HSD17B3: variants seen among roughly 807,000 people sequenced by gnomAD.
HSD17B3 encodes 17-beta-hydroxysteroid dehydrogenase type 3.
HSD17B3 carries 29 observed loss-of-function variants against 41.1 expected under a neutral mutation model. That is an observed-to-expected ratio of 0.71 (90% CI 0.53 to 0.96). The LOEUF (loss-of-function observed/expected upper bound fraction) is 0.96. Among genes scored for constraint, HSD17B3 ranks in the 40% least tolerant of loss-of-function variants. HSD17B3 has a pLI of 0.00. For missense variants in HSD17B3, 323 were observed against 374.6 expected (o/e 0.86, Z 1.14); for synonymous variants, 126 against 145.6 (o/e 0.87, Z 0.97).
At chr9:96,251,089 T>G in intron 5 of HSD17B3, 1 of 319,514 alleles carries the variant, frequency 3.1e-6, no homozygotes, top group Non-Finnish European at 5.9e-6. Flanking sequence ...TCTTCTCCCA[T>G]ATATGTTCAC....
At chr9:96,258,459 T>C (rs1339178590) in intron 2 of HSD17B3, among the ~76,000 whole-genome samples, 1 of 152,226 alleles carries the variant, frequency 6.6e-6, no homozygotes, top group Non-Finnish European at 1.5e-5. Context: ...ACTGTTCCAC[T>C]GACCTATTTA....
chr9:96,241,039 G>T, intron 9 of HSD17B3, 132 bp from the exon 10 acceptor site: 1 of 1,073,340 alleles, frequency 9.3e-7, no homozygotes, highest in Non-Finnish European at 1.4e-6. Flanking sequence ...AAGATCTTGA[G>T]TGGAAAAAGG....
rs950729034 is a variant in HSD17B3, at chr9:96,295,211, T to C, written c.201+3205A>G. 3.3e-5 allele frequency among the ~76,000 whole-genome samples: 5 copies of C among 152,006 alleles called. No homozygotes were observed. In the East Asian group the frequency reaches 9.7e-4, roughly 29 times the overall value. On this transcript the variant is annotated intron_variant, in intron 2 of 10. Coordinates refer to ENST00000375263, the MANE Select transcript of HSD17B3 (RefSeq NM_000197.2). ...TAGTAGAGACGGGGTTTCACTACGT[T>C]GGTCAGGCTGGTCTGGAACTCCTGA... is the stretch of plus-strand genomic sequence containing the variant.
intron 2 of HSD17B3, among the ~76,000 whole-genome samples, chr9:96,274,044 A>G (rs1476566438): frequency 6.6e-6 from 1 of 152,254 alleles, no homozygotes; most frequent in African/African-American, 2.4e-5. Context: ...CTAAAGGAAC[A>G]TAATAAATTT....
intron 2 of HSD17B3, 60 bp from the exon 3 acceptor site, chr9:96,255,003 G>T: frequency 1.4e-6 from 2 of 1,431,448 alleles, no homozygotes; most frequent in Non-Finnish European, 9.8e-7. Flanking sequence ...GAGGGCTTGT[G>T]TTAAGGTGAC....
intron 2 of HSD17B3, among the ~76,000 whole-genome samples, chr9:96,279,558 A>G (rs1411735839): frequency 6.6e-6 from 1 of 152,188 alleles, no homozygotes; most frequent in Non-Finnish European, 1.5e-5. Flanking sequence ...GTTTCTTATC[A>G]GACTCCCAGT....
intron 2 of HSD17B3, among the ~76,000 whole-genome samples, chr9:96,285,253 C>T (rs1291690952): frequency 6.6e-6 from 1 of 152,172 alleles, no homozygotes; most frequent in East Asian, 1.9e-4. Context: ...TTTGTCTTTA[C>T]TAAAAATGGG....
chr9:96,243,091 A>G (rs1205678965), intron 9 of HSD17B3, among the ~76,000 whole-genome samples: 1 of 152,246 alleles, frequency 6.6e-6, no homozygotes, highest in Admixed American at 6.5e-5. Context: ...GTGTCAGCAC[A>G]GTGAGCCAAT....
At chr9:96,246,535 C>CT in intron 7 of HSD17B3, 21 bp downstream of exon 7, 1 of 1,613,550 alleles carries the variant, frequency 6.2e-7, no homozygotes, top group South Asian at 1.1e-5. Context: ...TTGCTCCACA[C>CT]TTTTTTGAAG....
chr9:96,279,860 C>T (rs972182106), intron 2 of HSD17B3, among the ~76,000 whole-genome samples: 1 of 151,988 alleles, frequency 6.6e-6, no homozygotes, highest in East Asian at 1.9e-4. Flanking sequence ...AGCTCCGCCT[C>T]CCAGGTTCAC....
Position 96,252,878 on chromosome 9 carries a change from G to A in HSD17B3, c.310C>T (p.Gln104Ter). The change falls in exon 4 of 11, where the codon CAA (glutamine) becomes TAA (stop). Residue 104 changes from glutamine to a stop codon, truncating the protein, a stop_gained. Transcript: ENST00000375263. LOFTEE classifies it high-confidence loss of function. The part of the protein sequence containing the change: ...RTTGRSVKII[Q>*]ADFTKDDIYE... ...ATGTCATCTTTTGTAAAATCTGCTT[G>A]TATAATCTTCACACTCCTCCCTGTA... 6.2e-7 allele frequency: 1 copy of A among 1,612,888 alleles called. No individual in the cohort carries two copies. The highest frequency in any genetic ancestry group is 1.1e-5 in the South Asian group (1 of 91,048).
chr9:96,284,899 CGTG>C (rs1826852617), intron 2 of HSD17B3, among the ~76,000 whole-genome samples: 2 of 149,426 alleles, frequency 1.3e-5, no homozygotes, highest in Non-Finnish European at 3.0e-5. Context: ...AGTGCAGTGG[CGTG>C]ATCCCAGCTC....
At chr9:96,249,510 C>A (rs987528849) in intron 6 of HSD17B3, 1 of 575,594 alleles carries the variant, frequency 1.7e-6, no homozygotes, top group Admixed American at 2.9e-5. Flanking sequence ...TATGTTCCAA[C>A]GTGTGACAAA....
At chr9:96,239,996 CT>C (rs1208944123) in intron 10 of HSD17B3, 1 of 151,750 alleles carries the variant, frequency 6.6e-6, no homozygotes, top group Non-Finnish European at 1.5e-5. Context: ...ACCACATGTT[CT>C]CACTCATAAG....
chr9:96,259,429 A>T (rs944290882), intron 2 of HSD17B3, among the ~76,000 whole-genome samples: 2 of 152,330 alleles, frequency 1.3e-5, no homozygotes, highest in South Asian at 4.1e-4. Context: ...TACATTCAAA[A>T]GTGTGTGGCG....
In HSD17B3 at chr9:96,235,405, T is replaced by A. The variant is rs1159583088; in HGVS notation, c.*55A>T. 59 of 1,243,676 alleles carry A rather than the reference T, an allele frequency of 4.7e-5. No homozygotes were observed. The highest frequency in any genetic ancestry group is 6.8e-5 in the Non-Finnish European group (58 of 856,358). The allele number at this position is 1,243,676 out of a possible 1,614,324, so 77.0% of individuals were successfully genotyped here. A position where few individuals can be genotyped will look rare whatever the true frequency, so the allele number is the denominator to read the frequency against. On this transcript the variant is annotated 3_prime_UTR_variant, in exon 11 of 11. Coordinates refer to ENST00000375263, the MANE Select transcript of HSD17B3 (RefSeq NM_000197.2). ...TGCTGGTCTGCTCCTCTGGTCCTCT[T>A]CAGCCAGCATGGGACTGGTGAGGAA...
intron 2 of HSD17B3, among the ~76,000 whole-genome samples, chr9:96,260,574 A>G (rs950998276): frequency 6.6e-6 from 1 of 152,154 alleles, no homozygotes; most frequent in Non-Finnish European, 1.5e-5. Context: ...ATCCTGGTCA[A>G]CATGGTGAAA....
At chr9:96,270,960 G>C (rs895036640) in intron 2 of HSD17B3, among the ~76,000 whole-genome samples, 2 of 140,820 alleles carry the variant, frequency 1.4e-5, no homozygotes, top group Admixed American at 1.8e-4. Context: ...TCTCGGGGGG[G>C]GGGGTTAAGA....
chr9:96,269,983 A>G (rs1826180399), intron 2 of HSD17B3, among the ~76,000 whole-genome samples: 1 of 152,132 alleles, frequency 6.6e-6, no homozygotes, highest in Admixed American at 6.5e-5. Flanking sequence ...AACAAGCAAT[A>G]AAACCAACAT....
Sources: allele counts gnomAD v4.1 joint callset (sites outside exome capture counted in the v4.1 genomes callset), GRCh38; gene constraint gnomAD v4.1.1; transcripts MANE v1.5; gene names NCBI Gene and HGNC (gene_info 2026-07-23, HGNC 2026-07-21).